The following ABCC1 variants were observed in gnomAD, a reference collection of about 807,000 sequenced individuals.
The protein encoded by ABCC1 is ATP binding cassette subfamily C member 1 (ABCC1 blood group), also known as multidrug resistance-associated protein 1.
A neutral mutation model predicts 172.9 loss-of-function variants in ABCC1; 83 were observed. The observed-to-expected ratio is 0.48, with a 90% CI of 0.40 to 0.58. The LOEUF (loss-of-function observed/expected upper bound fraction) is 0.58. Among genes scored for constraint, ABCC1 ranks in the 20% least tolerant of loss-of-function variants. The pLI is 0.00. For synonymous variants in ABCC1, 937 were observed against 825.2 expected, an observed-to-expected ratio of 1.14 and a Z score of -2.32; for missense variants, 1,817 against 2,002.7, an observed-to-expected ratio of 0.91 and a Z score of 1.77.
At chr16:15,963,735 G>A (rs2046187408) in intron 1 of ABCC1, among the ~76,000 whole-genome samples, 1 of 152,172 alleles carries the variant, frequency 6.6e-6, no homozygotes, top group African/African-American at 2.4e-5. Flanking sequence ...ACACATCAGG[G>A]GGGCCCTGGA....
chr16:16,132,689 T>C (rs1483638558), intron 27 of ABCC1, among the ~76,000 whole-genome samples: 1 of 151,468 alleles, frequency 6.6e-6, no homozygotes, highest in Non-Finnish European at 1.5e-5. Flanking sequence ...GCCTAGCTAA[T>C]TTTTGTGTTA....
At chr16:15,979,789 T>C (rs1020862831) in intron 1 of ABCC1, among the ~76,000 whole-genome samples, 3 of 152,156 alleles carry the variant, frequency 2.0e-5, no homozygotes, top group African/African-American at 7.2e-5. Context: ...TTAGATATTT[T>C]TATCACCCTG....
intron 3 of ABCC1, among the ~76,000 whole-genome samples, 199 bp downstream of exon 3, chr16:16,010,100 A>G (rs1193791436): frequency 8.4e-6 from 1 of 119,612 alleles, no homozygotes; most frequent in Admixed American, 1.2e-4. Context: ...CTGGAGTGCT[A>G]TGGTACCATC....
intron 1 of ABCC1, among the ~76,000 whole-genome samples, chr16:15,961,098 G>C (rs1242312629): frequency 1.3e-5 from 2 of 149,242 alleles, no homozygotes; most frequent in African/African-American, 2.5e-5. Flanking sequence ...CACCCACCTT[G>C]GCCCTTCCAT....
intron 19 of ABCC1, among the ~76,000 whole-genome samples, chr16:16,101,983 A>C (rs564010366): frequency 6.6e-6 from 1 of 152,272 alleles, no homozygotes; most frequent in East Asian, 1.9e-4. Context: ...GGAAGGGTCC[A>C]CTTTGAAGCT....
chr16:16,054,181 G>A (rs2049552757), intron 11 of ABCC1, among the ~76,000 whole-genome samples: 1 of 151,924 alleles, frequency 6.6e-6, no homozygotes, highest in Non-Finnish European at 1.5e-5. Flanking sequence ...TACCACATTG[G>A]CCAGGCTGGT....
chr16:16,083,638 C>T, intron 17 of ABCC1, 96 bp downstream of exon 17: 1 of 1,497,494 alleles, frequency 6.7e-7, no homozygotes, highest in Non-Finnish European at 9.1e-7. Flanking sequence ...CTGCTGCTAT[C>T]AGCTGACCCG....
chr16:16,069,769 A>G (rs2151954107), intron 13 of ABCC1, among the ~76,000 whole-genome samples: 1 of 152,308 alleles, frequency 6.6e-6, no homozygotes, highest in South Asian at 2.1e-4. Flanking sequence ...CACACCTGCA[A>G]TCCCAGCATT....
chr16:16,103,548 C>G (rs1368727753), intron 20 of ABCC1, among the ~76,000 whole-genome samples: 1 of 152,146 alleles, frequency 6.6e-6, no homozygotes, highest in African/African-American at 2.4e-5. Context: ...CCATGGCACT[C>G]CAGCCTGGGT....
At chr16:15,995,126 C>T (rs917436098) in intron 1 of ABCC1, among the ~76,000 whole-genome samples, 6 of 151,698 alleles carry the variant, frequency 4.0e-5, no homozygotes, top group Non-Finnish European at 4.4e-5. Flanking sequence ...AGCGAAACTC[C>T]GTCTCAAAAA....
At chr16:16,138,746 C>T (rs1221077660) in intron 30 of ABCC1, among the ~76,000 whole-genome samples, 188 bp downstream of exon 30, 5 of 141,962 alleles carry the variant, frequency 3.5e-5, no homozygotes, top group Non-Finnish European at 6.0e-5. Context: ...GACAGAGTCT[C>T]GCTTCATCTC....
At position 16,136,592 on chromosome 16, in the gene ABCC1, G is replaced by C. The variant is rs1208490534; in HGVS notation, c.4240G>C (p.Ala1414Pro). The C allele has an allele frequency of 6.2e-7, 1 of 1,614,130 alleles. No individual in the cohort carries two copies. Among genetic ancestry groups the C allele is most frequent in the African/African-American group, 1.3e-5 (1 of 75,038 alleles). ...GGCCCACCTGAAGGACTTCGTGTCA[G>C]CCCTTCCTGACAAGCTAGACCATGA... Reference protein sequence around the residue: ...ELAHLKDFVSALPDKLDHECA... With the variant: ...ELAHLKDFVSPLPDKLDHECA... Residue 1414 changes from alanine to proline, a missense_variant, in exon 29 of 31, where the codon GCC becomes CCC. Physicochemically the swap from Ala to Pro is conservative, Grantham distance 27. Coordinates refer to ENST00000399410, the MANE Select transcript of ABCC1 (RefSeq NM_004996.4).
At chr16:16,063,156 G>T (rs931335904) in intron 12 of ABCC1, among the ~76,000 whole-genome samples, 4 of 152,106 alleles carry the variant, frequency 2.6e-5, no homozygotes, top group Non-Finnish European at 4.4e-5. Flanking sequence ...GCCCAGGCTG[G>T]AGTGCAGTGG....
At chr16:16,137,234 G>A (rs1164332687) in intron 29 of ABCC1, among the ~76,000 whole-genome samples, 1 of 152,070 alleles carries the variant, frequency 6.6e-6, no homozygotes, top group Non-Finnish European at 1.5e-5. Context: ...GCTGATCTCG[G>A]CTGGGCTCAC....
chr16:15,998,088 C>T (rs886389645), intron 1 of ABCC1, among the ~76,000 whole-genome samples: 1 of 151,558 alleles, frequency 6.6e-6, no homozygotes, highest in Admixed American at 6.6e-5. Context: ...TCCCAAAGTG[C>T]TGGGATTTCA....
At position 16,140,822 on chromosome 16, in the gene ABCC1, A is replaced by G. The variant is rs8061136; in HGVS notation, c.4488-351A>G. On this transcript the variant is annotated intron_variant, in intron 30 of 30. Transcript: ENST00000399410. Reference sequence around the variant, plus strand: ...GCCTGCAGAGCCTCAAGTATTTACTATCTGGCCTTTTTCAGAAAAATGTTG... The same window carrying G: ...GCCTGCAGAGCCTCAAGTATTTACTGTCTGGCCTTTTTCAGAAAAATGTTG... 3.8e-3 allele frequency among the ~76,000 whole-genome samples: 583 copies of G among 152,348 alleles called. 6 individuals carry two copies. Among genetic ancestry groups the G allele is most frequent in the African/African-American group, 0.013 (522 of 41,582 alleles).
chr16:16,124,152 C>T (rs963215976), intron 24 of ABCC1, among the ~76,000 whole-genome samples: 5 of 152,192 alleles, frequency 3.3e-5, no homozygotes, highest in African/African-American at 1.2e-4. Flanking sequence ...GTTACGCACT[C>T]CCCTCCCAGA....
intron 1 of ABCC1, among the ~76,000 whole-genome samples, chr16:15,957,667 C>G (rs2046028220): frequency 6.6e-6 from 1 of 152,212 alleles, no homozygotes; most frequent in Non-Finnish European, 1.5e-5. Context: ...ACGATCTTGG[C>G]TCACTGCAAC....
At chr16:15,980,322 A>T (rs2046593501) in intron 1 of ABCC1, among the ~76,000 whole-genome samples, 1 of 152,114 alleles carries the variant, frequency 6.6e-6, no homozygotes, top group Non-Finnish European at 1.5e-5. Flanking sequence ...CTCAGCAACA[A>T]AGTGAGACTC....
Sources: gnomAD v4.1 joint callset for allele counts (sites outside exome capture counted in the v4.1 genomes callset) on GRCh38, gnomAD v4.1.1 for gene constraint, MANE v1.5 for transcripts, NCBI Gene and HGNC (gene_info 2026-07-23, HGNC 2026-07-21) for gene names.